Variants in TBC1D22A observed in about 807,000 individuals in gnomAD.
The protein encoded by TBC1D22A is putative GTPase activator.
In TBC1D22A, 38 loss-of-function variants were observed where a neutral mutation model predicts 60.2. That is an observed-to-expected ratio of 0.63 (90% CI 0.49 to 0.83). The LOEUF is 0.83. TBC1D22A is among the 40% of genes least tolerant of loss of function. TBC1D22A has a pLI of 0.00. For synonymous variants in TBC1D22A, 302 were observed against 281.7 expected, an observed-to-expected ratio of 1.07 and a Z score of -0.72; for missense variants, 628 against 701.0, an observed-to-expected ratio of 0.90 and a Z score of 1.18.
intron 11 of TBC1D22A, among the ~76,000 whole-genome samples, chr22:47,067,783 T>A (rs556780971): frequency 1.3e-5 from 2 of 152,214 alleles, no homozygotes; most frequent in Non-Finnish European, 2.9e-5. Context: ...CACTTGCGCT[T>A]GCATACGTGC....
At chr22:46,787,566 A>G (rs1315148190) in intron 1 of TBC1D22A, among the ~76,000 whole-genome samples, 3 of 152,234 alleles carry the variant, frequency 2.0e-5, no homozygotes, top group South Asian at 2.1e-4. Context: ...GTGCATTAAC[A>G]TTGATACATA....
intron 1 of TBC1D22A, among the ~76,000 whole-genome samples, chr22:46,784,699 A>G (rs984809309): frequency 2.6e-5 from 4 of 152,264 alleles, no homozygotes; most frequent in Non-Finnish European, 5.9e-5. Flanking sequence ...TAGGCCAAGA[A>G]GCATGCTGGT....
At chr22:47,156,480 G>A (rs60865374) in intron 12 of TBC1D22A, among the ~76,000 whole-genome samples, 3 of 152,250 alleles carry the variant, frequency 2.0e-5, no homozygotes, top group African/African-American at 7.2e-5. Flanking sequence ...CTCCTCCCTC[G>A]GACATGGTGG....
Position 47,037,300 on chromosome 22 carries a change from T to C in TBC1D22A, c.1329+102T>C, listed in dbSNP as rs531204291. 2.3e-4 allele frequency: 336 copies of C among 1,492,602 alleles called. 7 individuals carry two copies. The South Asian group carries it at 3.8e-3, about 17-fold the overall frequency. The allele number at this position is 1,492,602 out of a possible 1,614,324, so 92.5% of individuals were successfully genotyped here. Reference sequence around the variant, plus strand: ...CTGTGTGCTGCATTCGATTTTTTCTTCCAAGCGCTCTCTCCATTGAAATGC... The same window carrying C: ...CTGTGTGCTGCATTCGATTTTTTCTCCCAAGCGCTCTCTCCATTGAAATGC... On this transcript the variant is annotated intron_variant, in intron 11 of 12. Coordinates refer to ENST00000337137, the MANE Select transcript of TBC1D22A (RefSeq NM_014346.5).
chr22:46,934,309 G>A (rs1569238827), intron 8 of TBC1D22A, among the ~76,000 whole-genome samples: 1 of 152,234 alleles, frequency 6.6e-6, no homozygotes, highest in Non-Finnish European at 1.5e-5. Context: ...AGAAGGCACT[G>A]GGCTTTGGAG....
intron 12 of TBC1D22A, among the ~76,000 whole-genome samples, chr22:47,139,721 C>T (rs1459013606): frequency 6.6e-6 from 1 of 152,222 alleles, no homozygotes; most frequent in Non-Finnish European, 1.5e-5. Context: ...TTGTGAGTGT[C>T]TGCCCAGGGC....
chr22:47,076,400 CACACACACATAT>C (rs760662151), intron 11 of TBC1D22A, among the ~76,000 whole-genome samples: 7 of 116,244 alleles, frequency 6.0e-5, no homozygotes, highest in African/African-American at 1.9e-4. Context: ...CACACACACA[CACACACACATAT>C]ATATATATAT....
intron 11 of TBC1D22A, among the ~76,000 whole-genome samples, chr22:47,097,876 T>C (rs2065246375): frequency 6.6e-6 from 1 of 152,116 alleles, no homozygotes; most frequent in Non-Finnish European, 1.5e-5. Flanking sequence ...AGAGGTTGCC[T>C]ACCTGCCTTT....
chr22:46,827,364 C>T (rs913445593), intron 4 of TBC1D22A, among the ~76,000 whole-genome samples: 3 of 152,208 alleles, frequency 2.0e-5, no homozygotes, highest in African/African-American at 4.8e-5. Context: ...TGTTCAATGT[C>T]CTCTTAATGA....
intron 9 of TBC1D22A, among the ~76,000 whole-genome samples, chr22:46,978,374 ATAT>A (rs1025104719): frequency 1.3e-5 from 2 of 152,244 alleles, no homozygotes; most frequent in Non-Finnish European, 2.9e-5. Flanking sequence ...ATCCCATTAC[ATAT>A]TATTATAAGT....
rs116682077 is a variant in TBC1D22A at position 47,071,321 on chromosome 22, A to G, written c.1329+34123A>G. On this transcript the variant is annotated intron_variant, in intron 11 of 12. Coordinates refer to ENST00000337137, the MANE Select transcript of TBC1D22A (RefSeq NM_014346.5). ...CCTTACAGCCTGTGCTGCTGTGGCCAAGGAAAAGAGGTTTTGTGCCTGGGG... is the reference window on the plus strand; with the variant it reads ...CCTTACAGCCTGTGCTGCTGTGGCCGAGGAAAAGAGGTTTTGTGCCTGGGG... 8.1e-3 allele frequency among the ~76,000 whole-genome samples: 1,227 copies of G among 152,312 alleles called. 19 individuals are homozygous for G. Among genetic ancestry groups the G allele is most frequent in the African/African-American group, 0.028 (1,181 of 41,558 alleles).
Position 46,940,535 on chromosome 22 carries a change from A to AAT in TBC1D22A, c.1015+28358_1015+28359dup, listed in dbSNP as rs537628079. ...AACAGCATGGGGACTGGGGCACTAGAATATATATATATGTATGTGTATGTA... is the reference window on the plus strand; with the variant it reads ...AACAGCATGGGGACTGGGGCACTAGAATATATATATATATGTATGTGTATGTA... On this transcript the variant is annotated intron_variant, in intron 8 of 12. Coordinates refer to ENST00000337137, the MANE Select transcript of TBC1D22A (RefSeq NM_014346.5). Among the ~76,000 whole-genome samples the AAT allele has an allele frequency of 1.3e-3, 183 of 142,688 alleles. 1 individual carries two copies. The highest frequency in any genetic ancestry group is 4.4e-3 in the African/African-American group (165 of 37,916). 93.6% of individuals were successfully genotyped at this position (142,688 alleles called of 152,430 possible). A position where few individuals can be genotyped will look rare whatever the true frequency, so the allele number is the denominator to read the frequency against.
At chr22:47,006,764 G>T (rs2061606027) in intron 10 of TBC1D22A, among the ~76,000 whole-genome samples, 1 of 152,352 alleles carries the variant, frequency 6.6e-6, no homozygotes, top group Middle Eastern at 3.4e-3. Flanking sequence ...CTCTGCCTTG[G>T]CGCTTCCTTT....
intron 4 of TBC1D22A, among the ~76,000 whole-genome samples, chr22:46,853,564 C>T (rs564988488): frequency 2.6e-5 from 4 of 152,302 alleles, no homozygotes; most frequent in African/African-American, 7.2e-5. Flanking sequence ...TGAGGGATGA[C>T]GTGAGATACG....
At chr22:47,100,789 G>A (rs898433199) in intron 11 of TBC1D22A, among the ~76,000 whole-genome samples, 8 of 152,128 alleles carry the variant, frequency 5.3e-5, no homozygotes, top group Non-Finnish European at 1.0e-4. Flanking sequence ...TATCAGCCAC[G>A]TGAAAACGGA....
At chr22:46,987,896 T>A (rs1227186145) in intron 9 of TBC1D22A, among the ~76,000 whole-genome samples, 1 of 152,202 alleles carries the variant, frequency 6.6e-6, no homozygotes, top group Non-Finnish European at 1.5e-5. Flanking sequence ...TTATCCACAG[T>A]AGGACTTCTT....
intron 8 of TBC1D22A, among the ~76,000 whole-genome samples, chr22:46,961,708 G>C (rs946732181): frequency 1.3e-5 from 2 of 152,180 alleles, no homozygotes; most frequent in South Asian, 4.1e-4. Context: ...TTCAGTAGCC[G>C]TTTTCTTCAC....
At chr22:46,908,144 A>T (rs1269436906) in intron 7 of TBC1D22A, among the ~76,000 whole-genome samples, 1 of 152,106 alleles carries the variant, frequency 6.6e-6, no homozygotes, top group African/African-American at 2.4e-5. Context: ...GCTCAGCGGG[A>T]TGTGGAGCAT....
chr22:46,887,598 G>A (rs957949849), intron 5 of TBC1D22A, among the ~76,000 whole-genome samples: 5 of 152,128 alleles, frequency 3.3e-5, no homozygotes, highest in African/African-American at 4.8e-5. Context: ...CTACTGTTAC[G>A]CGTTATAACA....
Sources: gnomAD v4.1 joint callset for allele counts (sites outside exome capture counted in the v4.1 genomes callset) on GRCh38, gnomAD v4.1.1 for gene constraint, MANE v1.5 for transcripts, NCBI Gene and HGNC (gene_info 2026-07-23, HGNC 2026-07-21) for gene names.